UBAP2: variants seen among roughly 807,000 people sequenced by gnomAD.
The protein encoded by UBAP2 is ubiquitin associated protein 2, also known as ubiquitin-associated protein 2.
A neutral mutation model predicts 139.6 loss-of-function variants in UBAP2; 75 were observed. The ratio of observed to expected loss-of-function variants is 0.54; its 90% confidence interval spans 0.45 to 0.65. The LOEUF (loss-of-function observed/expected upper bound fraction) is 0.65. Among genes scored for constraint, UBAP2 ranks in the 30% least tolerant of loss-of-function variants. UBAP2 has a pLI of 0.00. For missense variants in UBAP2, 1,368 were observed against 1,369.6 expected, an observed-to-expected ratio of 1.00 and a Z score of 0.02; for synonymous variants, 526 against 526.2, an observed-to-expected ratio of 1.00 and a Z score of 0.01.
At chr9:34,011,963 T>A (rs2131254331) in intron 2 of UBAP2, among the ~76,000 whole-genome samples, 1 of 138,228 alleles carries the variant, frequency 7.2e-6, no homozygotes, top group East Asian at 2.1e-4. Context: ...AATAATAAAG[T>A]AGGATTATTT....
chr9:34,028,440 CGCAA>C (rs1243591102), intron 1 of UBAP2, among the ~76,000 whole-genome samples: 1 of 151,444 alleles, frequency 6.6e-6, no homozygotes, highest in African/African-American at 2.4e-5. Flanking sequence ...AGTGCAGTGG[CGCAA>C]CACTGGCTCA....
At chr9:34,023,379 CTT>C (rs1564068036) in intron 1 of UBAP2, among the ~76,000 whole-genome samples, 1 of 152,094 alleles carries the variant, frequency 6.6e-6, no homozygotes, top group African/African-American at 2.4e-5. Context: ...AGAAAAATGA[CTT>C]AATCTTTATA....
intron 1 of UBAP2, among the ~76,000 whole-genome samples, chr9:34,046,143 A>G (rs1381768135): frequency 6.6e-6 from 1 of 152,196 alleles, no homozygotes; most frequent in Non-Finnish European, 1.5e-5. Context: ...ATAAAGACAG[A>G]TGTGCTTAAG....
rs1034842107 is a variant in UBAP2, at chr9:34,045,342, C to CA, written c.-42+3482dup. Reference sequence around the variant, plus strand: ...ATTTGGGCAACAGTGAGACTGTCTTCAAAAAAAAAAAAGGGTAGAAAAAAA... The same window carrying CA: ...ATTTGGGCAACAGTGAGACTGTCTTCAAAAAAAAAAAAAGGGTAGAAAAAAA... On this transcript the variant is annotated intron_variant, in intron 1 of 28. Coordinates refer to ENST00000379238, the MANE Select transcript of UBAP2 (RefSeq NM_001370062.2). Among the ~76,000 whole-genome samples, 251 of 97,312 alleles carry CA rather than the reference C, an allele frequency of 2.6e-3. 2 individuals are homozygous for CA. The highest frequency in any genetic ancestry group is 0.018 in the Middle Eastern group (3 of 166). The allele number at this position is 97,312 out of a possible 152,430, so 63.8% of individuals were successfully genotyped here.
chr9:34,024,747 G>T (rs189861780), intron 1 of UBAP2, among the ~76,000 whole-genome samples: 110 of 152,296 alleles, frequency 7.2e-4, no homozygotes, highest in African/African-American at 2.5e-3. Flanking sequence ...ACTTTGGGAG[G>T]CTGAGGCGGG....
intron 10 of UBAP2, among the ~76,000 whole-genome samples, chr9:33,959,707 T>A (rs899870900): frequency 6.6e-6 from 1 of 152,218 alleles, no homozygotes; most frequent in Non-Finnish European, 1.5e-5. Context: ...TAAAGGAATT[T>A]TTTTTAAAAA....
At chr9:34,008,778 AAC>A (rs1350778617) in intron 2 of UBAP2, among the ~76,000 whole-genome samples, 2 of 151,828 alleles carry the variant, frequency 1.3e-5, no homozygotes, top group South Asian at 2.1e-4. Context: ...CATCCTGGCC[AAC>A]ATGGTGAAAC....
intron 26 of UBAP2, 30 bp downstream of exon 26, chr9:33,923,156 C>G: frequency 1.2e-6 from 2 of 1,611,922 alleles, no homozygotes; most frequent in Non-Finnish European, 1.7e-6. Flanking sequence ...CACTCCAGGC[C>G]TTATCCTGGA....
At chr9:34,010,567 G>T (rs1802287339) in intron 2 of UBAP2, among the ~76,000 whole-genome samples, 1 of 151,892 alleles carries the variant, frequency 6.6e-6, no homozygotes, top group South Asian at 2.1e-4. Context: ...ATAATGGCTG[G>T]CTAAACAGAT....
intron 11 of UBAP2, among the ~76,000 whole-genome samples, chr9:33,954,031 C>T (rs761276757): frequency 1.2e-4 from 18 of 151,958 alleles, no homozygotes; most frequent in Non-Finnish European, 2.2e-4. Flanking sequence ...CTCAGCCTCC[C>T]GAGTAGCTGG....
intron 2 of UBAP2, among the ~76,000 whole-genome samples, chr9:34,006,635 C>T (rs1470067180): frequency 2.6e-5 from 4 of 151,936 alleles, no homozygotes; most frequent in Admixed American, 6.6e-5. Flanking sequence ...GTGAGCATGA[C>T]CGTGCCACTG....
At chr9:34,040,347 A>G (rs1206690446) in intron 1 of UBAP2, among the ~76,000 whole-genome samples, 1 of 142,468 alleles carries the variant, frequency 7.0e-6, no homozygotes, top group Non-Finnish European at 1.5e-5. Context: ...AAAAAAAAAA[A>G]GGGACAGAAA....
chr9:33,976,292 T>C (rs2131076712), intron 6 of UBAP2, among the ~76,000 whole-genome samples: 1 of 152,260 alleles, frequency 6.6e-6, no homozygotes, highest in South Asian at 2.1e-4. Context: ...TCATACAACA[T>C]TATATTATAT....
intron 13 of UBAP2, 100 bp from the exon 14 acceptor site, chr9:33,944,739 T>G (rs1205845627): frequency 7.3e-7 from 1 of 1,375,576 alleles, no homozygotes; most frequent in African/African-American, 1.4e-5. Context: ...CCAAATCATT[T>G]CCAGTTGAAT....
At chr9:33,934,365 T>C (rs1824271166) in intron 17 of UBAP2, 1 of 155,758 alleles carries the variant, frequency 6.4e-6, no homozygotes, top group Non-Finnish European at 1.5e-5. Flanking sequence ...AAAACATCAT[T>C]GTCTTTTCCA....
At position 33,986,981 on chromosome 9, in the gene UBAP2, C is replaced by T. The variant is rs947872705; in HGVS notation, c.443-144G>A. 8.1e-6 allele frequency: 6 copies of T among 740,334 alleles called. No homozygotes were observed. In the Admixed American group the frequency reaches 1.4e-4, roughly 18 times the overall value. 45.9% of individuals were successfully genotyped at this position (740,334 alleles called of 1,614,324 possible). A position where few individuals can be genotyped will look rare whatever the true frequency, so the allele number is the denominator to read the frequency against. ...GGTTCAAAAACAGGAAAAACAAAAA[C>T]AAAAGTGACTTAAAAACTGAATGAG... On this transcript the variant is annotated intron_variant, in intron 5 of 28. Coordinates refer to ENST00000379238, the MANE Select transcript of UBAP2 (RefSeq NM_001370062.2).
chr9:34,016,609 G>T (rs1824373782), intron 2 of UBAP2, among the ~76,000 whole-genome samples: 1 of 150,704 alleles, frequency 6.6e-6, no homozygotes, highest in Admixed American at 6.6e-5. Flanking sequence ...AGGCTGGAGG[G>T]CAGTGGCGTG....
intron 8 of UBAP2, among the ~76,000 whole-genome samples, chr9:33,970,534 A>G (rs1255731713): frequency 6.6e-6 from 1 of 151,114 alleles, no homozygotes; most frequent in Non-Finnish European, 1.5e-5. Context: ...GGCTCAAGTG[A>G]CACTCCCCAC....
chr9:33,992,612 G>A (rs1821809042), intron 4 of UBAP2, among the ~76,000 whole-genome samples: 1 of 105,982 alleles, frequency 9.4e-6, no homozygotes, highest in South Asian at 3.1e-4. Context: ...TGCCCCTCAA[G>A]CAAAGTCTTG....
Sources: allele counts gnomAD v4.1 joint callset (sites outside exome capture counted in the v4.1 genomes callset), GRCh38; gene constraint gnomAD v4.1.1; transcripts MANE v1.5; gene names NCBI Gene and HGNC (gene_info 2026-07-23, HGNC 2026-07-21).